Variants in AMER3 observed in about 807,000 individuals in gnomAD.
AMER3 encodes APC membrane recruitment protein 3.
For missense variants in AMER3, 1,201 were observed against 1,139.4 expected, an observed-to-expected ratio of 1.05 and a Z score of -0.78; for synonymous variants, 541 against 485.5, an observed-to-expected ratio of 1.11 and a Z score of -1.50.
At chr2:130,761,865 C>A (rs1013720026) in intron 1 of AMER3, among the ~76,000 whole-genome samples, 189 bp from the exon 2 acceptor site, 6 of 152,196 alleles carry the variant, frequency 3.9e-5, no homozygotes, top group Non-Finnish European at 8.8e-5. Flanking sequence ...AGGCCCCAGG[C>A]AGCTCTCATT....
At chr2:130,759,389 CAAATA>C (rs1678711910) in intron 1 of AMER3, among the ~76,000 whole-genome samples, 1 of 152,182 alleles carries the variant, frequency 6.6e-6, no homozygotes, top group Non-Finnish European at 1.5e-5. Context: ...ACATCTATAT[CAAATA>C]AAACATTTTT....
intron 1 of AMER3, among the ~76,000 whole-genome samples, chr2:130,758,523 A>G (rs1360671401): frequency 1.3e-5 from 2 of 152,254 alleles, no homozygotes; most frequent in Non-Finnish European, 2.9e-5. Context: ...CAGACTCTGC[A>G]TCCTGTTTAG....
At position 130,764,774 on chromosome 2, in the gene AMER3, G is replaced by T; in HGVS notation, c.*116G>T. ...GTGGGGACTGTGTTGGGGGTGGGGG[G>T]TGGCAGGACTCAGGCATGCAGAGGG... On this transcript the variant is annotated 3_prime_UTR_variant, in exon 2 of 2. Coordinates refer to ENST00000321420, the MANE Select transcript of AMER3 (RefSeq NM_152698.3). 1.6e-6 allele frequency: 2 copies of T among 1,281,220 alleles called. No individual in the cohort carries two copies. The highest frequency in any genetic ancestry group is 2.1e-6 in the Non-Finnish European group (2 of 946,196). 79.4% of individuals were successfully genotyped at this position (1,281,220 alleles called of 1,614,324 possible). A position where few individuals can be genotyped will look rare whatever the true frequency, so the allele number is the denominator to read the frequency against.
chr2:130,764,462 C>T lies in AMER3; in HGVS notation c.2390C>T (p.Ser797Leu). 1.2e-6 allele frequency: 2 copies of T among 1,600,378 alleles called. No homozygotes were observed. The highest frequency in any genetic ancestry group is 1.1e-5 in the South Asian group (1 of 89,294). ...HGSQLDSEPRSAPAARWSSQG... is the reference protein window; with the variant it reads ...HGSQLDSEPRLAPAARWSSQG... Reference sequence around the variant, plus strand: ...AGCCAGCTGGACTCTGAGCCCCGCTCAGCCCCTGCTGCCCGGTGGAGTTCC... The same window carrying T: ...AGCCAGCTGGACTCTGAGCCCCGCTTAGCCCCTGCTGCCCGGTGGAGTTCC... Residue 797 changes from serine to leucine, a missense_variant, in exon 2 of 2, where the codon TCA (serine) becomes TTA (leucine). Physicochemically the swap from Ser to Leu is moderately radical, Grantham distance 145. Transcript: ENST00000321420.
In AMER3 at chr2:130,762,524, T is replaced by C; in HGVS notation, c.452T>C (p.Ile151Thr). The change falls in exon 2 of 2, where the codon ATT becomes ACT. Residue 151 changes from isoleucine (I) to threonine (T), a missense_variant. Physicochemically the swap from Ile to Thr is moderately conservative, Grantham distance 89 (BLOSUM62 -1). Transcript: ENST00000321420. ...AVAKSIPRKR[I>T]SLKRPKKCFR... ...GCCAAGAGCATCCCGAGGAAGAGGA[T>C]TTCCCTGAAGAGGCCCAAGAAGTGC... 1 of 1,613,426 alleles carries C rather than the reference T, an allele frequency of 6.2e-7. No individual in the cohort carries two copies. Among genetic ancestry groups the C allele is most frequent in the Non-Finnish European group, 8.5e-7 (1 of 1,179,990 alleles).
intron 1 of AMER3, among the ~76,000 whole-genome samples, chr2:130,758,376 AAG>A (rs373704213): frequency 1.3e-5 from 2 of 149,316 alleles, no homozygotes; most frequent in East Asian, 2.0e-4. Context: ...GAAAGAAGGA[AAG>A]AGAGAGAGAG....
rs1227340243 is a variant in AMER3, at chr2:130,764,119, C to A, written c.2047C>A (p.Leu683Met). ...LAGCVARVAA[L>M]KISSNEQPPA... Reference sequence around the variant, plus strand: ...AGGCTGTGTGGCCCGTGTGGCAGCCCTGAAGATCAGCTCAAACGAACAGCC... The same window carrying A: ...AGGCTGTGTGGCCCGTGTGGCAGCCATGAAGATCAGCTCAAACGAACAGCC... Residue 683 changes from leucine to methionine, a missense_variant, in exon 2 of 2, where the codon CTG becomes ATG. Physicochemically the swap from Leu to Met is conservative, Grantham distance 15. Transcript: ENST00000321420. 4.3e-6 allele frequency: 7 copies of A among 1,612,016 alleles called. No individual in the cohort carries two copies. The highest frequency in any genetic ancestry group is 5.9e-6 in the Non-Finnish European group (7 of 1,179,422).
rs1267629299 is a variant in AMER3, at chr2:130,767,595, A to T, written c.*2937A>T. 4 of 166,982 alleles carry T rather than the reference A, an allele frequency of 2.4e-5. No individual in the cohort carries two copies. Among genetic ancestry groups the T allele is most frequent in the Middle Eastern group, 3.4e-3 (1 of 298 alleles). 10.3% of individuals were successfully genotyped at this position (166,982 alleles called of 1,614,324 possible). ...ACAGGCTGCACATCACAGGTTCCAA[A>T]GTGTGCAGCAAGGCTTCTGACCAGG... On this transcript the variant is annotated 3_prime_UTR_variant, in exon 2 of 2. Coordinates refer to ENST00000321420, the MANE Select transcript of AMER3 (RefSeq NM_152698.3).
rs144633580 is a variant in AMER3 at position 130,764,047 on chromosome 2, A to G, written c.1975A>G (p.Arg659Gly). The G allele has an allele frequency of 2.5e-5, 40 of 1,612,702 alleles. No individual in the cohort carries two copies. The African/African-American group carries it at 4.5e-4, about 18-fold the overall frequency. Residue 659 changes from arginine to glycine, a missense_variant, in exon 2 of 2, where the codon AGG (arginine) becomes GGG (glycine). Coordinates refer to ENST00000321420, the MANE Select transcript of AMER3 (RefSeq NM_152698.3). Reference protein sequence around the residue: ...GVLGCFRGPWRPGHGGDTLDA... With the variant: ...GVLGCFRGPWGPGHGGDTLDA... Reference sequence around the variant, plus strand: ...CCTGGGGTGTTTCCGAGGCCCCTGGAGGCCAGGTCACGGAGGTGACACTCT... The same window carrying G: ...CCTGGGGTGTTTCCGAGGCCCCTGGGGGCCAGGTCACGGAGGTGACACTCT...
chr2:130,763,802 T>C lies in AMER3; in HGVS notation c.1730T>C (p.Leu577Pro), dbSNP rs1230135057. ...TGGGCACACCCGGGCACCACAGGCC[T>C]GCTCGCCGGAGAGAGCAAGGCCCTC... is the stretch of plus-strand genomic sequence containing the variant. ...ELWAHPGTTG[L>P]LAGESKALGG... The change falls in exon 2 of 2, where the codon CTG becomes CCG. Residue 577 changes from leucine to proline, a missense_variant. Leu to Pro is a moderately conservative substitution (Grantham distance 98, BLOSUM62 -3). Coordinates refer to ENST00000321420, the MANE Select transcript of AMER3 (RefSeq NM_152698.3). 1 of 1,611,578 alleles carries C rather than the reference T, an allele frequency of 6.2e-7. No individual in the cohort carries two copies. Among genetic ancestry groups the C allele is most frequent in the Non-Finnish European group, 8.5e-7 (1 of 1,179,226 alleles).
intron 1 of AMER3, among the ~76,000 whole-genome samples, chr2:130,760,962 C>T (rs904580276): frequency 6.6e-6 from 1 of 152,110 alleles, no homozygotes; most frequent in African/African-American, 2.4e-5. Context: ...TGTCGGTGAG[C>T]CCTGGCATTC....
chr2:130,764,040 C>G lies in AMER3; in HGVS notation c.1968C>G (p.Gly656=). The G allele has an allele frequency of 6.2e-7, 1 of 1,612,798 alleles. No homozygotes were observed. The highest frequency in any genetic ancestry group is 8.5e-7 in the Non-Finnish European group (1 of 1,179,702). ...CAGGGGTCCTGGGGTGTTTCCGAGGCCCCTGGAGGCCAGGTCACGGAGGTG... is the reference window on the plus strand; with the variant it reads ...CAGGGGTCCTGGGGTGTTTCCGAGGGCCCTGGAGGCCAGGTCACGGAGGTG... ...GPPGVLGCFR[G]PWRPGHGGDT... is the part of the protein sequence containing the mutation. The change falls in exon 2 of 2, where the codon GGC becomes GGG. Residue 656 remains glycine, a synonymous_variant. Coordinates refer to ENST00000321420, the MANE Select transcript of AMER3 (RefSeq NM_152698.3).
Position 130,764,799 on chromosome 2 carries a change from G to A in AMER3, c.*141G>A, listed in dbSNP as rs548705626. 19 of 1,103,572 alleles carry A rather than the reference G, an allele frequency of 1.7e-5. No individual in the cohort carries two copies. The African/African-American group carries it at 2.1e-4, about 12-fold the overall frequency. The allele number at this position is 1,103,572 out of a possible 1,614,324, so 68.4% of individuals were successfully genotyped here. On this transcript the variant is annotated 3_prime_UTR_variant, in exon 2 of 2. Coordinates refer to ENST00000321420, the MANE Select transcript of AMER3 (RefSeq NM_152698.3). Reference sequence around the variant, plus strand: ...GTGGCAGGACTCAGGCATGCAGAGGGTAGCATGTTCATGTGGAGGCATCCT... The same window carrying A: ...GTGGCAGGACTCAGGCATGCAGAGGATAGCATGTTCATGTGGAGGCATCCT...
chr2:130,763,803 G>C lies in AMER3; in HGVS notation c.1731G>C (p.Leu577=). The change falls in exon 2 of 2, where the codon CTG becomes CTC. Residue 577 remains leucine, a synonymous_variant. Transcript: ENST00000321420. ...GGGCACACCCGGGCACCACAGGCCT[G>C]CTCGCCGGAGAGAGCAAGGCCCTCG... is the stretch of plus-strand genomic sequence containing the variant. ...ELWAHPGTTG[L]LAGESKALGG... The C allele has an allele frequency of 6.2e-7, 1 of 1,611,608 alleles. No homozygotes were observed. Among genetic ancestry groups the C allele is most frequent in the Non-Finnish European group, 8.5e-7 (1 of 1,179,248 alleles).
chr2:130,755,885 G>A (rs879576317), intron 1 of AMER3: 2 of 152,352 alleles, frequency 1.3e-5, no homozygotes, highest in Non-Finnish European at 2.9e-5. Flanking sequence ...GGCTCTCTGG[G>A]CTGAGGGGGA....
chr2:130,756,334 G>T (rs1678608332), intron 1 of AMER3: 1 of 150,996 alleles, frequency 6.6e-6, no homozygotes, highest in Non-Finnish European at 1.5e-5. Flanking sequence ...CCGACGCGGT[G>T]CCCGAGCCTG....
chr2:130,764,940 G>T lies in AMER3; in HGVS notation c.*282G>T. On this transcript the variant is annotated 3_prime_UTR_variant, in exon 2 of 2. Transcript: ENST00000321420. ...GGGGCTAGGGCTTGAAACTGAGGGG[G>T]AGAAAGAGCTGCACATTGTAAATGG... 2.4e-6 allele frequency: 1 copy of T among 414,832 alleles called. No homozygotes were observed. The highest frequency in any genetic ancestry group is 4.5e-6 in the Non-Finnish European group (1 of 221,926). 25.7% of individuals were successfully genotyped at this position (414,832 alleles called of 1,614,324 possible).
intron 1 of AMER3, among the ~76,000 whole-genome samples, chr2:130,756,545 C>G (rs1678614632): frequency 6.6e-6 from 1 of 152,266 alleles, no homozygotes; most frequent in East Asian, 1.9e-4. Context: ...CCGGCGCAGT[C>G]AGGGGCCTGG....
chr2:130,764,331 C>A lies in AMER3; in HGVS notation c.2259C>A (p.Ser753Arg). ...GTCGAGATCGTGTCCAGGACCTGAG[C>A]TGGCTCAGGGTGGAGCCCACCGGGC... ...QRCRDRVQDL[S>R]WLRVEPTGLG... is the part of the protein sequence containing the mutation. Residue 753 changes from serine (S) to arginine (R), a missense_variant, in exon 2 of 2, where the codon AGC (serine) becomes AGA (arginine). Transcript: ENST00000321420. 4 of 1,608,830 alleles carry A rather than the reference C, an allele frequency of 2.5e-6. No individual in the cohort carries two copies. Among genetic ancestry groups the A allele is most frequent in the Admixed American group, 1.7e-5 (1 of 59,832 alleles).
Sources: gnomAD v4.1 joint callset for allele counts (sites outside exome capture counted in the v4.1 genomes callset) on GRCh38, gnomAD v4.1.1 for gene constraint, MANE v1.5 for transcripts, NCBI Gene and HGNC (gene_info 2026-07-23, HGNC 2026-07-21) for gene names.